The following HECW2 variants were observed in gnomAD, a reference collection of about 807,000 sequenced individuals.
The protein encoded by HECW2 is HECT, C2 and WW domain containing E3 ubiquitin protein ligase 2, also known as E3 ubiquitin-protein ligase HECW2.
In HECW2, 61 loss-of-function variants were observed where a neutral mutation model predicts 175.2. The observed-to-expected ratio is 0.35, with a 90% CI of 0.28 to 0.43. The LOEUF is 0.43. HECW2 is among the 20% of genes least tolerant of loss of function. The probability of loss-of-function intolerance (pLI) is 1.00; values close to 1 mark genes in which losing one functional copy is unlikely to be tolerated. For synonymous variants in HECW2, 671 were observed against 731.0 expected, an observed-to-expected ratio of 0.92 and a Z score of 1.32; for missense variants, 1,524 against 2,000.5, an observed-to-expected ratio of 0.76 and a Z score of 4.54.
intron 1 of HECW2, among the ~76,000 whole-genome samples, chr2:196,434,032 T>TA (rs1695796558): frequency 1.3e-5 from 2 of 152,106 alleles, no homozygotes; most frequent in African/African-American, 4.8e-5. Context: ...GCATTCCCCA[T>TA]CCCTCCTTTC....
At chr2:196,582,746 G>T (rs1280945860) in intron 1 of HECW2, among the ~76,000 whole-genome samples, 1 of 152,156 alleles carries the variant, frequency 6.6e-6, no homozygotes, top group Non-Finnish European at 1.5e-5. Context: ...AATTTCGTTT[G>T]GCATGAGCTG....
intron 2 of HECW2, among the ~76,000 whole-genome samples, chr2:196,389,206 T>G (rs1360831654): frequency 6.6e-6 from 1 of 152,184 alleles, no homozygotes; most frequent in African/African-American, 2.4e-5. Flanking sequence ...TTCACACCAT[T>G]AATTAAAGAA....
chr2:196,215,951 G>C lies in HECW2; in HGVS notation c.4521C>G (p.Pro1507=), dbSNP rs1416116958. The C allele has an allele frequency of 6.2e-7, 1 of 1,613,736 alleles. No individual in the cohort carries two copies. Among genetic ancestry groups the C allele is most frequent in the Non-Finnish European group, 8.5e-7 (1 of 1,179,706 alleles). Reference sequence around the variant, plus strand: ...CTCGGAGTGAAGCAAATCCTTCATAGGGAATGCTGGATGTGCCTGTAACAA... The same window carrying C: ...CTCGGAGTGAAGCAAATCCTTCATACGGAATGCTGGATGTGCCTGTAACAA... ...LQFVTGTSSI[P]YEGFASLRGS... The change falls in exon 28 of 29, where the codon CCC becomes CCG. Residue 1507 remains proline (P), a synonymous_variant. Coordinates refer to ENST00000644978, the MANE Select transcript of HECW2 (RefSeq NM_001348768.2).
At chr2:196,364,379 C>T (rs1693688014) in intron 2 of HECW2, among the ~76,000 whole-genome samples, 1 of 152,182 alleles carries the variant, frequency 6.6e-6, no homozygotes, top group African/African-American at 2.4e-5. Context: ...AATGTTGGAG[C>T]TTCAATTTCA....
chr2:196,318,758 T>G lies in HECW2; in HGVS notation c.2132A>C (p.Gln711Pro), dbSNP rs1401725361. The G allele has an allele frequency of 1.3e-6, 2 of 1,528,582 alleles. No homozygotes were observed. Among genetic ancestry groups the G allele is most frequent in the African/African-American group, 2.8e-5 (2 of 72,078 alleles). The allele number at this position is 1,528,582 out of a possible 1,614,324, so 94.7% of individuals were successfully genotyped here. A position where few individuals can be genotyped will look rare whatever the true frequency, so the allele number is the denominator to read the frequency against. ...VCTAGSLPVVQVPSGEDEGPG... is the reference protein window; with the variant it reads ...VCTAGSLPVVPVPSGEDEGPG... ...CCCTTCATCCTCCCCACTGGGCACC[T>G]GTACCACAGGTAAAGAACCAGCAGT... The change falls in exon 9 of 29, where the codon CAG (glutamine) becomes CCG (proline). Residue 711 changes from glutamine (Q) to proline (P), a missense_variant. Physicochemically the swap from Gln to Pro is moderately conservative, Grantham distance 76. This residue lies in a region of HECW2 where 604 missense variants were observed against 588.3 expected (regional missense o/e 1.03). Coordinates refer to ENST00000644978, the MANE Select transcript of HECW2 (RefSeq NM_001348768.2).
intron 1 of HECW2, among the ~76,000 whole-genome samples, chr2:196,477,760 C>T (rs904144350): frequency 3.9e-5 from 6 of 152,184 alleles, no homozygotes; most frequent in African/African-American, 1.2e-4. Context: ...AGTTAAACAC[C>T]TCACAGAGAG....
intron 19 of HECW2, among the ~76,000 whole-genome samples, chr2:196,244,936 G>C (rs1031384527): frequency 2.0e-5 from 3 of 152,194 alleles, no homozygotes; most frequent in Non-Finnish European, 4.4e-5. Flanking sequence ...AGGTTCTTGA[G>C]CAGAAGAATA....
intron 19 of HECW2, among the ~76,000 whole-genome samples, chr2:196,248,621 C>CAGAGAG (rs1410907463): frequency 5.1e-5 from 7 of 138,140 alleles, no homozygotes; most frequent in African/African-American, 2.2e-4. Context: ...CACACACACA[C>CAGAGAG]ACACACACAC....
chr2:196,527,763 AT>A (rs1288964995), intron 1 of HECW2, among the ~76,000 whole-genome samples: 5 of 152,224 alleles, frequency 3.3e-5, no homozygotes, highest in Non-Finnish European at 4.4e-5. Flanking sequence ...TTTGAACCAT[AT>A]TTCAAGCCCC....
intron 28 of HECW2, among the ~76,000 whole-genome samples, chr2:196,213,624 T>G (rs7568085): frequency 1.3e-5 from 2 of 152,170 alleles, no homozygotes; most frequent in Non-Finnish European, 2.9e-5. Context: ...TGTTTTATAA[T>G]CTGGGTAAAA....
intron 16 of HECW2, among the ~76,000 whole-genome samples, chr2:196,272,276 T>C (rs960507251): frequency 6.6e-6 from 1 of 152,180 alleles, no homozygotes; most frequent in East Asian, 1.9e-4. Flanking sequence ...TCACGAACCA[T>C]GAACAAAATG....
Position 196,319,853 on chromosome 2 carries a change from C to G in HECW2, c.1037G>C (p.Gly346Ala). Reference sequence around the variant, plus strand: ...GTCATCGGAAGGGCTACCTAAGTCTCCATTCACAGAATTGACTCCAAGTAT... The same window carrying G: ...GTCATCGGAAGGGCTACCTAAGTCTGCATTCACAGAATTGACTCCAAGTAT... ...GTILGVNSVN[G>A]DLGSPSDDED... The change falls in exon 9 of 29, where the codon GGA becomes GCA. Residue 346 changes from glycine to alanine, a missense_variant. Coordinates refer to ENST00000644978, the MANE Select transcript of HECW2 (RefSeq NM_001348768.2). 6.2e-7 allele frequency: 1 copy of G among 1,613,836 alleles called. No individual in the cohort carries two copies. The highest frequency in any genetic ancestry group is 8.5e-7 in the Non-Finnish European group (1 of 1,179,760).
chr2:196,408,348 C>T (rs923400186), intron 2 of HECW2, among the ~76,000 whole-genome samples: 3 of 152,178 alleles, frequency 2.0e-5, no homozygotes, highest in African/African-American at 7.2e-5. Flanking sequence ...TGATTCTATG[C>T]AGATTTCTGT....
chr2:196,359,102 A>G (rs1693492237), intron 2 of HECW2, among the ~76,000 whole-genome samples: 1 of 152,200 alleles, frequency 6.6e-6, no homozygotes. Flanking sequence ...GTTACCAGGA[A>G]TGATAATAGC....
chr2:196,309,586 T>C (rs1691404666), intron 10 of HECW2, among the ~76,000 whole-genome samples: 1 of 137,874 alleles, frequency 7.3e-6, no homozygotes, highest in Admixed American at 7.7e-5. Context: ...CTTGCATGCT[T>C]TTCCATCTCA....
chr2:196,321,896 G>T (rs936436207), intron 7 of HECW2, among the ~76,000 whole-genome samples: 2 of 152,184 alleles, frequency 1.3e-5, no homozygotes, highest in Middle Eastern at 3.4e-3. Context: ...TATCTCCTCA[G>T]TATGACTTAC....
At chr2:196,379,898 C>CAAA (rs5837506) in intron 2 of HECW2, among the ~76,000 whole-genome samples, 2 of 127,676 alleles carry the variant, frequency 1.6e-5, no homozygotes, top group Non-Finnish European at 1.7e-5. Context: ...TATTCTCCAG[C>CAAA]AAAAAAAAAA....
rs1695671970 is a variant in HECW2, at chr2:196,430,309, AT to A, written c.292+2822del. Reference sequence around the variant, plus strand: ...AATAAACCTGCTTATTAGAAAAAAAATCAACACTGTTATTCCACAGAATTCA... The same window carrying A: ...AATAAACCTGCTTATTAGAAAAAAAACAACACTGTTATTCCACAGAATTCA... On this transcript the variant is annotated intron_variant, in intron 2 of 28. Coordinates refer to ENST00000644978, the MANE Select transcript of HECW2 (RefSeq NM_001348768.2). 3.9e-5 allele frequency among the ~76,000 whole-genome samples: 6 copies of A among 152,362 alleles called. No homozygotes were observed. In the South Asian group the frequency reaches 1.0e-3, roughly 26 times the overall value.
chr2:196,486,356 G>A (rs1193034236), intron 1 of HECW2, among the ~76,000 whole-genome samples: 6 of 152,296 alleles, frequency 3.9e-5, no homozygotes, highest in Non-Finnish European at 7.4e-5. Flanking sequence ...GTCAGCCAGT[G>A]GGACTAGCAG....
Sources: gnomAD v4.1 joint callset for allele counts (sites outside exome capture counted in the v4.1 genomes callset) on GRCh38, gnomAD v4.1.1 for gene constraint, gnomAD v4.1.1 regional missense constraint, MANE v1.5 for transcripts, NCBI Gene and HGNC (gene_info 2026-07-23, HGNC 2026-07-21) for gene names.